The following CASC3 variants were observed in gnomAD, a reference collection of about 807,000 sequenced individuals.
The protein encoded by CASC3 is CASC3 exon junction complex subunit, also known as protein CASC3.
A neutral mutation model predicts 80.5 loss-of-function variants in CASC3; 30 were observed. The ratio of observed to expected loss-of-function variants is 0.37; its 90% CI spans 0.28 to 0.51. The LOEUF is 0.51. Among genes scored for constraint, CASC3 ranks in the 20% least tolerant of loss-of-function variants. The pLI is 0.94. For synonymous variants in CASC3, 312 were observed against 333.6 expected, an observed-to-expected ratio of 0.94 and a Z score of 0.70; for missense variants, 824 against 922.2, an observed-to-expected ratio of 0.89 and a Z score of 1.38.
intron 3 of CASC3, among the ~76,000 whole-genome samples, chr17:40,153,795 G>T (rs527438663): frequency 5.9e-5 from 9 of 151,346 alleles, no homozygotes; most frequent in African/African-American, 2.2e-4. Context: ...TTTTTTTGGC[G>T]GGGCACGGTG....
At chr17:40,141,434 G>T in intron 2 of CASC3, 136 bp from the exon 3 acceptor site, 2 of 858,846 alleles carry the variant, frequency 2.3e-6, no homozygotes, top group Non-Finnish European at 3.8e-6. Flanking sequence ...TTCTCCTTTT[G>T]TAAGTGGGGA....
chr17:40,161,274 G>A (rs1989290762), intron 3 of CASC3, among the ~76,000 whole-genome samples: 1 of 152,166 alleles, frequency 6.6e-6, no homozygotes, highest in East Asian at 1.9e-4. Context: ...ACTGTGCCAG[G>A]CCAAAATAGG....
At position 40,162,051 on chromosome 17, in the gene CASC3, A is replaced by C. The variant is rs199703586; in HGVS notation, c.506A>C (p.His169Pro). The change falls in exon 5 of 14, where the codon CAT becomes CCT. Residue 169 changes from histidine to proline, a missense_variant. His to Pro is a moderately conservative substitution (Grantham distance 77, BLOSUM62 -2). This residue lies in a region of CASC3 where 201 missense variants were observed against 294.1 expected (regional missense o/e 0.68). Transcript: ENST00000264645. ...ENKVGKKGPK[H>P]LDDDEDRKNP... ...AAAGTGGGTAAAAAGGGCCCTAAGC[A>C]TTTGGATGATGATGAAGATCGGAAG... 3.5e-5 allele frequency: 56 copies of C among 1,614,032 alleles called. No homozygotes were observed. Among genetic ancestry groups the C allele is most frequent in the Non-Finnish European group, 4.2e-5 (49 of 1,180,028 alleles).
chr17:40,158,466 C>T (rs1019142930), intron 3 of CASC3, among the ~76,000 whole-genome samples: 1 of 152,146 alleles, frequency 6.6e-6, no homozygotes, highest in Non-Finnish European at 1.5e-5. Flanking sequence ...CCTCCCTAGC[C>T]ATAGCTCTGC....
intron 13 of CASC3, among the ~76,000 whole-genome samples, chr17:40,170,057 C>G (rs1371409820): frequency 6.6e-6 from 1 of 150,492 alleles, no homozygotes; most frequent in African/African-American, 2.4e-5. Context: ...CACCCAGCCT[C>G]TGATTAATGC....
chr17:40,167,383 A>G (rs1481650485), intron 8 of CASC3, 115 bp from the exon 9 acceptor site: 1 of 662,302 alleles, frequency 1.5e-6, no homozygotes, highest in East Asian at 2.7e-5. Context: ...CACTTTGCAA[A>G]TATCCATTAA....
chr17:40,156,961 C>G (rs529586637), intron 3 of CASC3, among the ~76,000 whole-genome samples: 144 of 149,146 alleles, frequency 9.7e-4, no homozygotes, highest in African/African-American at 3.2e-3. Context: ...GAGGATCACT[C>G]GAGCCCGGGA....
At chr17:40,164,213 C>G in intron 7 of CASC3, 47 bp downstream of exon 7, 1 of 1,439,406 alleles carries the variant, frequency 6.9e-7, no homozygotes, top group Non-Finnish European at 9.4e-7. Flanking sequence ...TTTGCATCAT[C>G]AGGTTTAGGG....
At chr17:40,142,305 A>G (rs1182003898) in intron 3 of CASC3, among the ~76,000 whole-genome samples, 2 of 152,254 alleles carry the variant, frequency 1.3e-5, no homozygotes, top group Non-Finnish European at 2.9e-5. Context: ...ACAACTCAAT[A>G]AGGAAGTCAG....
intron 7 of CASC3, among the ~76,000 whole-genome samples, chr17:40,164,980 G>A (rs2145179746): frequency 6.7e-6 from 1 of 149,960 alleles, no homozygotes; most frequent in African/African-American, 2.5e-5. Context: ...GAGTGCAGTG[G>A]TGTGATCTCG....
In CASC3 at chr17:40,163,835, C is replaced by T; in HGVS notation, c.1140C>T (p.Ala380=). 6.2e-7 allele frequency: 1 copy of T among 1,614,162 alleles called. No individual in the cohort carries two copies. The highest frequency in any genetic ancestry group is 8.5e-7 in the Non-Finnish European group (1 of 1,180,026). Reference sequence around the variant, plus strand: ...GCAGTCCTGAGAAGGAAGAGGCAGCCTCAGAGCCACCAGCTGCTGCTCCTG... The same window carrying T: ...GCAGTCCTGAGAAGGAAGAGGCAGCTTCAGAGCCACCAGCTGCTGCTCCTG... The part of the protein sequence containing the change: ...VLGSPEKEEA[A]SEPPAAAPDA... Residue 380 remains alanine (A), a synonymous_variant, in exon 7 of 14, where the codon GCC becomes GCT. Coordinates refer to ENST00000264645, the MANE Select transcript of CASC3 (RefSeq NM_007359.5).
chr17:40,149,352 T>TA (rs1281139136), intron 3 of CASC3, among the ~76,000 whole-genome samples: 4 of 151,788 alleles, frequency 2.6e-5, no homozygotes, highest in African/African-American at 7.3e-5. Flanking sequence ...AACTTGAACT[T>TA]ACAATCCTCA....
chr17:40,145,423 C>T (rs142994728), intron 3 of CASC3, among the ~76,000 whole-genome samples: 1,939 of 152,126 alleles, frequency 0.013, 31 homozygotes, highest in African/African-American at 0.044. Context: ...CCACCCACCT[C>T]GGCCTCCCAA....
intron 3 of CASC3, among the ~76,000 whole-genome samples, chr17:40,145,070 A>G (rs1598420053): frequency 6.6e-6 from 1 of 151,814 alleles, no homozygotes; most frequent in Non-Finnish European, 1.5e-5. Context: ...CATGTTGGTC[A>G]AGCTGGTCTC....
chr17:40,163,478 TAGA>T lies in CASC3; in HGVS notation c.786-2_786del. 1 of 1,597,352 alleles carries T rather than the reference TAGA, an allele frequency of 6.3e-7. No individual in the cohort carries two copies. Among genetic ancestry groups the T allele is most frequent in the Admixed American group, 1.8e-5 (1 of 56,298 alleles). ...AACAGTTTCTTCATTCCATTTTTTGTAGATATGGGAGTCCTCCACAAAGAGATC... is the reference window on the plus strand; with the variant it reads ...AACAGTTTCTTCATTCCATTTTTTGTTATGGGAGTCCTCCACAAAGAGATC... On this transcript the variant is annotated splice_acceptor_variant and coding_sequence_variant, in exon 7 of 14. Coordinates refer to ENST00000264645, the MANE Select transcript of CASC3 (RefSeq NM_007359.5). LOFTEE classifies it high-confidence loss of function.
intron 3 of CASC3, among the ~76,000 whole-genome samples, chr17:40,150,069 T>C (rs918265004): frequency 9.2e-5 from 14 of 152,068 alleles, no homozygotes; most frequent in African/African-American, 3.4e-4. Flanking sequence ...CTTTCTGTGT[T>C]TTGTTTTTGT....
chr17:40,161,779 G>C lies in CASC3; in HGVS notation c.324G>C (p.Glu108Asp). Residue 108 changes from glutamate (E) to aspartate (D), a missense_variant, in exon 4 of 14, where the codon GAG becomes GAC. Glu to Asp is a conservative substitution (Grantham distance 45). Coordinates refer to ENST00000264645, the MANE Select transcript of CASC3 (RefSeq NM_007359.5). ...GTGAAGAAGGTGAATACAGTGAAGA[G>C]GAAAACTCCAAAGTGGAGCTGAAAT... The part of the protein sequence containing the change: ...SEGEEGEYSE[E>D]ENSKVELKSE... The C allele has an allele frequency of 6.2e-7, 1 of 1,614,134 alleles. No individual in the cohort carries two copies. Among genetic ancestry groups the C allele is most frequent in the Non-Finnish European group, 8.5e-7 (1 of 1,180,018 alleles).
Position 40,169,422 on chromosome 17 carries a change from C to G in CASC3, c.2064C>G (p.Val688=). Residue 688 remains valine, a synonymous_variant, in exon 12 of 14, where the codon GTC becomes GTG. Transcript: ENST00000264645. The stretch of plus-strand genomic sequence containing the variant: ...CACCCCGGAGGACTCCCCAGCCAGT[C>G]ACCATCAAGCCCCCTCCACCTGAGG... ...PSPPRRTPQP[V]TIKPPPPEVV... 6.2e-7 allele frequency: 1 copy of G among 1,611,468 alleles called. No homozygotes were observed. Among genetic ancestry groups the G allele is most frequent in the South Asian group, 1.1e-5 (1 of 90,644 alleles).
At chr17:40,162,967 T>TCCCG in intron 6 of CASC3, 66 bp downstream of exon 6, 1 of 1,438,132 alleles carries the variant, frequency 7.0e-7, no homozygotes, top group Non-Finnish European at 9.6e-7. Flanking sequence ...ACACCTGGAA[T>TCCCG]CCCGGCACTT....
Sources: gnomAD v4.1 joint callset for allele counts (sites outside exome capture counted in the v4.1 genomes callset) on GRCh38, gnomAD v4.1.1 for gene constraint, gnomAD v4.1.1 regional missense constraint, MANE v1.5 for transcripts, NCBI Gene and HGNC (gene_info 2026-07-23, HGNC 2026-07-21) for gene names.